PIWIL2: variants seen among roughly 807,000 people sequenced by gnomAD.
PIWIL2 encodes piwi-like protein 2.
Under a neutral mutation model 116.5 loss-of-function variants are expected in PIWIL2, and 81 were observed. That is an observed-to-expected ratio of 0.70 (90% confidence interval 0.58 to 0.84). The LOEUF (loss-of-function observed/expected upper bound fraction) is 0.84. Among genes scored for constraint, PIWIL2 ranks in the 40% least tolerant of loss-of-function variants. PIWIL2 has a pLI of 0.00. For synonymous variants in PIWIL2, 489 were observed against 429.5 expected (o/e 1.14, Z -1.71); for missense variants, 1,272 against 1,212.3 (o/e 1.05, Z -0.73).
intron 22 of PIWIL2, 85 bp from the exon 23 acceptor site, chr8:22,355,264 T>C (rs1432532112): frequency 3.0e-6 from 4 of 1,342,788 alleles, no homozygotes; most frequent in Non-Finnish European, 4.2e-6. Context: ...CTCTGTGTCA[T>C]ATCCCCGTGA....
intron 18 of PIWIL2, among the ~76,000 whole-genome samples, chr8:22,315,638 G>A (rs1267650137): frequency 1.3e-5 from 2 of 151,968 alleles, no homozygotes; most frequent in East Asian, 1.9e-4. Flanking sequence ...TTTAAATGGC[G>A]GAAAAAATAA....
In PIWIL2 at chr8:22,318,158, C is replaced by T. The variant is rs185742676; in HGVS notation, c.2298-12C>T. ...CTTCCTTTCTCTGTCTCTCTGCTCACCCTGACCCTAGCACCCTCACAAAAT... is the reference window on the plus strand; with the variant it reads ...CTTCCTTTCTCTGTCTCTCTGCTCATCCTGACCCTAGCACCCTCACAAAAT... On this transcript the variant is annotated splice_polypyrimidine_tract_variant and intron_variant, in intron 19 of 22. Transcript: ENST00000356766. 2.6e-6 allele frequency: 4 copies of T among 1,565,352 alleles called. No homozygotes were observed. Among genetic ancestry groups the T allele is most frequent in the Admixed American group, 3.3e-5 (2 of 59,734 alleles).
At position 22,316,426 on chromosome 8, in the gene PIWIL2, T is replaced by A. The variant is rs1831461759; in HGVS notation, c.2297+93T>A. ...CAGCAAATCTTTTTAGCATTATGTA[T>A]TACAATATAAAGATTTCTAAACATT... On this transcript the variant is annotated intron_variant, in intron 19 of 22. Transcript: ENST00000356766. 3.8e-6 allele frequency: 3 copies of A among 799,212 alleles called. No individual in the cohort carries two copies. The Admixed American group carries it at 6.5e-5, about 17-fold the overall frequency. 49.5% of individuals were successfully genotyped at this position (799,212 alleles called of 1,614,324 possible).
chr8:22,327,913 C>A (rs768344274), intron 20 of PIWIL2, among the ~76,000 whole-genome samples: 2 of 152,148 alleles, frequency 1.3e-5, no homozygotes, highest in African/African-American at 2.4e-5. Context: ...TTTTCACTTG[C>A]TTGATAATGG....
At chr8:22,308,588 G>A (rs139008413) in intron 14 of PIWIL2, among the ~76,000 whole-genome samples, 4,755 of 152,188 alleles carry the variant, frequency 0.031, 114 homozygotes, top group African/African-American at 0.067. Flanking sequence ...GGGAGGTGGA[G>A]GTTGCAGTGA....
chr8:22,289,140 CTTTTCTT>C (rs1468188339), intron 8 of PIWIL2, among the ~76,000 whole-genome samples: 6 of 147,854 alleles, frequency 4.1e-5, no homozygotes, highest in Admixed American at 1.4e-4. Context: ...AATTTCTTTT[CTTTTCTT>C]TTTTCTTTTT....
intron 10 of PIWIL2, among the ~76,000 whole-genome samples, chr8:22,294,471 C>T (rs369544001): frequency 6.6e-6 from 1 of 150,580 alleles, no homozygotes; most frequent in East Asian, 2.0e-4. Flanking sequence ...GAAACCCCGT[C>T]TCTACTAAAA....
rs749063398 is a variant in PIWIL2, at chr8:22,287,478, G to T, written c.744-50G>T. 3 of 1,148,960 alleles carry T rather than the reference G, an allele frequency of 2.6e-6. No homozygotes were observed. The South Asian group carries it at 3.7e-5, about 14-fold the overall frequency. The allele number at this position is 1,148,960 out of a possible 1,614,324, so 71.2% of individuals were successfully genotyped here. On this transcript the variant is annotated intron_variant, in intron 6 of 22. Transcript: ENST00000356766. ...GCACCTGTTGCACAGCTCTGGTAAA[G>T]ATTGCAGTTTGAGTCAAGTTAAAGG...
chr8:22,277,039 T>C (rs1468028219), intron 1 of PIWIL2, among the ~76,000 whole-genome samples: 2 of 151,970 alleles, frequency 1.3e-5, no homozygotes, highest in Admixed American at 1.3e-4. Context: ...ATATATTTTT[T>C]TTTTTGAGAC....
At chr8:22,305,889 G>A (rs781319947) in intron 12 of PIWIL2, 38 bp from the exon 13 acceptor site, 3 of 1,473,544 alleles carry the variant, frequency 2.0e-6, no homozygotes, top group Non-Finnish European at 2.9e-6. Context: ...TGAGCCTCTT[G>A]TACTGCCTTA....
intron 6 of PIWIL2, among the ~76,000 whole-genome samples, chr8:22,284,822 A>G (rs1213390783): frequency 6.6e-6 from 1 of 152,192 alleles, no homozygotes; most frequent in African/African-American, 2.4e-5. Flanking sequence ...ATTACTATTT[A>G]AAAATAGTTT....
intron 21 of PIWIL2, 53 bp from the exon 22 acceptor site, chr8:22,354,218 G>T: frequency 1.7e-6 from 2 of 1,186,898 alleles, no homozygotes; most frequent in South Asian, 2.4e-5. Flanking sequence ...ATCTTTGCCA[G>T]CTCTGTCTGG....
At chr8:22,303,936 A>G in intron 10 of PIWIL2, 85 bp from the exon 11 acceptor site, 2 of 820,856 alleles carry the variant, frequency 2.4e-6, no homozygotes, top group Non-Finnish European at 3.8e-6. Context: ...CTGTGATTAG[A>G]TTCCTCAATT....
At chr8:22,349,739 C>A (rs914052103) in intron 20 of PIWIL2, among the ~76,000 whole-genome samples, 4 of 152,104 alleles carry the variant, frequency 2.6e-5, no homozygotes, top group Non-Finnish European at 5.9e-5. Context: ...TAGAAATTGG[C>A]AGGATCGTAC....
At chr8:22,290,634 T>G (rs901388809) in intron 10 of PIWIL2, among the ~76,000 whole-genome samples, 102 of 144,428 alleles carry the variant, frequency 7.1e-4, no homozygotes, top group Non-Finnish European at 1.3e-3. Flanking sequence ...TTTTTTTTTT[T>G]GTAGAGATAG....
chr8:22,325,770 C>T (rs975293820), intron 20 of PIWIL2, among the ~76,000 whole-genome samples: 4 of 152,232 alleles, frequency 2.6e-5, no homozygotes, highest in South Asian at 2.1e-4. Flanking sequence ...AGGTGTGACC[C>T]ATCGCGCCCA....
rs562457223 is a variant in PIWIL2 at position 22,328,820 on chromosome 8, T to C, written c.2403+10545T>C. ...GAATGTGGTTATGAGCTCTAGTCGT[T>C]TTTTTTTTTTTTTTTTTAATTCTTT... On this transcript the variant is annotated intron_variant, in intron 20 of 22. Coordinates refer to ENST00000356766, the MANE Select transcript of PIWIL2 (RefSeq NM_018068.5). 3.4e-3 allele frequency among the ~76,000 whole-genome samples: 428 copies of C among 127,392 alleles called. No homozygotes were observed. The South Asian group carries it at 0.05, about 15-fold the overall frequency. The allele number at this position is 127,392 out of a possible 152,430, so 83.6% of individuals were successfully genotyped here.
intron 1 of PIWIL2, chr8:22,275,664 A>T (rs1830347178): frequency 6.6e-6 from 1 of 151,932 alleles, no homozygotes; most frequent in African/African-American, 2.4e-5. Flanking sequence ...TTGGCCTGAG[A>T]GAGGAGATAG....
In PIWIL2 at chr8:22,354,371, A is replaced by G. The variant is rs749133555; in HGVS notation, c.2758A>G (p.Met920Val). 2.5e-6 allele frequency: 4 copies of G among 1,600,116 alleles called. No individual in the cohort carries two copies. The highest frequency in any genetic ancestry group is 1.7e-6 in the Non-Finnish European group (2 of 1,167,404). Residue 920 changes from methionine (M) to valine (V), a missense_variant, in exon 22 of 23, where the codon ATG becomes GTG. By Grantham distance (21) the Met-to-Val change is conservative. Transcript: ENST00000356766. ...CACCGCAAACCTGAGCCCTGATCAT[A>G]TGCAGAGGTGGGCCCATCAGTAACT... ...LNTANLSPDH[M>V]QRLTFKLCHM...
Sources: gnomAD v4.1 joint callset for allele counts (sites outside exome capture counted in the v4.1 genomes callset) on GRCh38, gnomAD v4.1.1 for gene constraint, MANE v1.5 for transcripts, NCBI Gene and HGNC (gene_info 2026-07-23, HGNC 2026-07-21) for gene names.